The following ACSM2A variants were observed in gnomAD, a reference collection of about 807,000 sequenced individuals.
ACSM2A encodes the protein acyl-CoA synthetase medium chain family member 2A.
Under a neutral mutation model 76.6 loss-of-function variants are expected in ACSM2A, and 72 were observed. The ratio of observed to expected loss-of-function variants is 0.94; its 90% CI spans 0.78 to 1.14. ACSM2A has a LOEUF of 1.14. Ranked by LOEUF, ACSM2A falls within the 50% of genes most tolerant of loss-of-function variation. The pLI, the probability that ACSM2A is intolerant of heterozygous loss-of-function variation, is 0.00. For synonymous variants in ACSM2A, 249 were observed against 255.9 expected (o/e 0.97, Z 0.26); for missense variants, 684 against 708.5 (o/e 0.97, Z 0.39).
intron 12 of ACSM2A, 185 bp from the exon 13 acceptor site, chr16:20,482,873 T>C (rs778230689): frequency 3.8e-5 from 33 of 876,634 alleles, no homozygotes; most frequent in Middle Eastern, 4.0e-4. Flanking sequence ...CTCCAATAAA[T>C]GACTTCAGAG....
At chr16:20,482,902 A>T (rs1416675000) in intron 12 of ACSM2A, 156 bp from the exon 13 acceptor site, 6 of 1,248,270 alleles carry the variant, frequency 4.8e-6, no homozygotes, top group Middle Eastern at 3.0e-4. Context: ...AACCTCATTC[A>T]TGTCCCCAGT....
intron 4 of ACSM2A, among the ~76,000 whole-genome samples, chr16:20,470,511 T>C (rs1474665903): frequency 3.3e-5 from 5 of 152,206 alleles, no homozygotes; most frequent in Admixed American, 6.5e-5. Context: ...GCTTTTCCTT[T>C]CTAATGCCAT....
intron 5 of ACSM2A, 54 bp downstream of exon 5, chr16:20,471,270 G>A: frequency 6.3e-7 from 1 of 1,586,020 alleles, no homozygotes; most frequent in Non-Finnish European, 8.6e-7. Context: ...GGAGTTAGAA[G>A]GAGAATGAGA....
chr16:20,459,063 T>C (rs1042062558), intron 1 of ACSM2A, among the ~76,000 whole-genome samples: 9 of 151,298 alleles, frequency 5.9e-5, no homozygotes, highest in African/African-American at 7.3e-5. Context: ...CCAAGCATCA[T>C]ATGTTCTCAG....
At chr16:20,482,706 G>T in intron 12 of ACSM2A, 1 of 170,230 alleles carries the variant, frequency 5.9e-6, no homozygotes, top group Admixed American at 5.7e-5. Flanking sequence ...TTTACAGATG[G>T]GAACACTGAA....
chr16:20,469,870 G>GTTTTTTTTTTTT (rs1567365569), intron 4 of ACSM2A, 151 bp downstream of exon 4: 1 of 589,460 alleles, frequency 1.7e-6, no homozygotes. Flanking sequence ...TAACACAAGG[G>GTTTTTTTTTTTT]TATTTTTTTT....
At position 20,480,573 on chromosome 16, in the gene ACSM2A, G is replaced by T; in HGVS notation, c.1282G>T (p.Asp428Tyr). ...GACTCTGTCTTTCTGTGGTCACCAG[G>T]ACAATCCCGACAAGACAGCAGCCAA... ...RPIGIFSGYV[D>Y]NPDKTAANIR... is the part of the protein sequence containing the mutation. The change falls in exon 11 of 14, where the codon GAC (aspartate) becomes TAC (tyrosine). Residue 428 changes from aspartate (D) to tyrosine (Y), a missense_variant and splice_region_variant. Around this residue, in one of 3 missense-constraint regions of ACSM2A, gnomAD observed 519 missense variants for 549.5 expected, o/e 0.94. Transcript: ENST00000573854. The T allele has an allele frequency of 1.2e-6, 2 of 1,613,828 alleles. No homozygotes were observed. The highest frequency in any genetic ancestry group is 1.7e-6 in the Non-Finnish European group (2 of 1,179,798).
chr16:20,482,345 C>G (rs2014135741), intron 12 of ACSM2A: 1 of 152,024 alleles, frequency 6.6e-6, no homozygotes, highest in African/African-American at 2.4e-5. Flanking sequence ...AGCCCGTGTG[C>G]CACAGAGTTC....
intron 9 of ACSM2A, among the ~76,000 whole-genome samples, chr16:20,478,260 C>T (rs1277893163): frequency 1.3e-5 from 2 of 152,070 alleles, no homozygotes; most frequent in African/African-American, 2.4e-5. Flanking sequence ...TTGATCTGCC[C>T]GATTTCTAAG....
At chr16:20,467,110 T>C (rs1362534560) in intron 3 of ACSM2A, among the ~76,000 whole-genome samples, 1 of 152,200 alleles carries the variant, frequency 6.6e-6, no homozygotes, top group Non-Finnish European at 1.5e-5. Context: ...CTCAGTGTCA[T>C]AATTTTTCCA....
chr16:20,469,536 T>C lies in ACSM2A; in HGVS notation c.413T>C (p.Ile138Thr). ...GGTCTCATCTTTATGCCTGGAACCA[T>C]CCAGATGAAATCCACTGACATACTG... Reference protein sequence around the residue: ...RAGLIFMPGTIQMKSTDILYR... With the variant: ...RAGLIFMPGTTQMKSTDILYR... Residue 138 changes from isoleucine to threonine, a missense_variant, in exon 4 of 14, where the codon ATC becomes ACC. Transcript: ENST00000573854. 6.2e-7 allele frequency: 1 copy of C among 1,613,484 alleles called. No individual in the cohort carries two copies. The highest frequency in any genetic ancestry group is 1.3e-5 in the African/African-American group (1 of 75,008).
At chr16:20,457,666 TA>T (rs1323972702) in intron 1 of ACSM2A, among the ~76,000 whole-genome samples, 1 of 152,018 alleles carries the variant, frequency 6.6e-6, no homozygotes, top group Non-Finnish European at 1.5e-5. Flanking sequence ...GGATATACCT[TA>T]ATGTAATAAA....
intron 2 of ACSM2A, among the ~76,000 whole-genome samples, chr16:20,463,002 T>C (rs1217499792): frequency 6.9e-6 from 1 of 144,856 alleles, no homozygotes; most frequent in Admixed American, 7.3e-5. Flanking sequence ...AAACACAGCA[T>C]GTTCTCACTC....
At position 20,469,357 on chromosome 16, in the gene ACSM2A, T is replaced by A. The variant is rs28556968; in HGVS notation, c.389-155T>A. ...GAATCCTAGGTTTCATTCACTCCCTTGTCCTTAGTTCCCTTTTTTATTGAC... is the reference window on the plus strand; with the variant it reads ...GAATCCTAGGTTTCATTCACTCCCTAGTCCTTAGTTCCCTTTTTTATTGAC... On this transcript the variant is annotated intron_variant, in intron 3 of 13. Coordinates refer to ENST00000573854, the MANE Select transcript of ACSM2A (RefSeq NM_001308172.2). Among the ~76,000 whole-genome samples, 43,813 of 151,926 alleles carry A rather than the reference T, an allele frequency of 0.29. 7,496 individuals are homozygous for A. The highest frequency in any genetic ancestry group is 0.59 in the East Asian group (3,024 of 5,150).
At chr16:20,456,042 G>T (rs568518267) in intron 1 of ACSM2A, among the ~76,000 whole-genome samples, 79 of 149,190 alleles carry the variant, frequency 5.3e-4, no homozygotes, top group Admixed American at 1.5e-3. Context: ...ACAGCAGTTA[G>T]AAAAGACAAA....
At chr16:20,457,865 G>A (rs1209915549) in intron 1 of ACSM2A, among the ~76,000 whole-genome samples, 19 of 151,960 alleles carry the variant, frequency 1.3e-4, no homozygotes, top group Non-Finnish European at 1.5e-5. Flanking sequence ...TGGTAAAGAG[G>A]AAGTCATACA....
intron 2 of ACSM2A, among the ~76,000 whole-genome samples, chr16:20,464,469 T>C (rs569927735): frequency 6.6e-6 from 1 of 152,158 alleles, no homozygotes; most frequent in South Asian, 2.1e-4. Context: ...TTTACAGTAA[T>C]GGTGGAAGAT....
intron 6 of ACSM2A, chr16:20,474,106 A>G (rs1244463392): frequency 2.3e-6 from 1 of 442,702 alleles, no homozygotes; most frequent in Non-Finnish European, 4.5e-6. Flanking sequence ...TCTCCCTAAA[A>G]TGTATAAAAC....
chr16:20,472,999 A>C lies in ACSM2A; in HGVS notation c.894+1310A>C, dbSNP rs948566500. Reference sequence around the variant, plus strand: ...TACAGCCATTAAGTAAGACCCACAGACTGCAGCTATGCATTATCCTGTAGC... The same window carrying C: ...TACAGCCATTAAGTAAGACCCACAGCCTGCAGCTATGCATTATCCTGTAGC... On this transcript the variant is annotated intron_variant, in intron 6 of 13. Coordinates refer to ENST00000573854, the MANE Select transcript of ACSM2A (RefSeq NM_001308172.2). Among the ~76,000 whole-genome samples, 13 of 152,300 alleles carry C rather than the reference A, an allele frequency of 8.5e-5. No individual in the cohort carries two copies. The Middle Eastern group carries it at 0.017, about 199-fold the overall frequency.
Sources: gnomAD v4.1 joint callset for allele counts (sites outside exome capture counted in the v4.1 genomes callset) on GRCh38, gnomAD v4.1.1 for gene constraint, gnomAD v4.1.1 regional missense constraint, MANE v1.5 for transcripts, NCBI Gene and HGNC (gene_info 2026-07-23, HGNC 2026-07-21) for gene names.